The following FAM168A variants were observed in gnomAD, a reference collection of about 807,000 sequenced individuals.
FAM168A encodes family with sequence similarity 168 member A.
Under a neutral mutation model 28.5 loss-of-function variants are expected in FAM168A, and 3 were observed. The ratio of observed to expected loss-of-function variants is 0.11; its 90% CI spans 0.05 to 0.27. The LOEUF is 0.27. FAM168A is among the 10% of genes least tolerant of loss of function. FAM168A has a pLI of 1.00. For synonymous variants in FAM168A, 122 were observed against 124.2 expected, an observed-to-expected ratio of 0.98 and a Z score of 0.12; for missense variants, 222 against 311.5, an observed-to-expected ratio of 0.71 and a Z score of 2.16.
Position 73,407,540 on chromosome 11 carries a change from T to TG in FAM168A, c.698dup (p.His234ThrfsTer52). ...GGATGGGCTGCAGGCTTTACCAGTG[T>TG]GGGGGCACGTAGCTGTACGCAGGGG... On this transcript the variant is annotated frameshift_variant, in exon 7 of 8. Transcript: ENST00000356467. LOFTEE classifies it high-confidence loss of function. 6.3e-7 allele frequency: 1 copy of TG among 1,590,020 alleles called. No individual in the cohort carries two copies.
chr11:73,409,829 A>G lies in FAM168A; in HGVS notation c.421-168T>C, dbSNP rs182735953. Among the ~76,000 whole-genome samples, 633 of 152,320 alleles carry G rather than the reference A, an allele frequency of 4.2e-3. 7 individuals are homozygous for G. The highest frequency in any genetic ancestry group is 0.015 in the African/African-American group (609 of 41,556). ...CTGGGCTCAGCTTCTGGTCTGAAAAATAAGGCTCTAATCCTGTCCTGCCTT... is the reference window on the plus strand; with the variant it reads ...CTGGGCTCAGCTTCTGGTCTGAAAAGTAAGGCTCTAATCCTGTCCTGCCTT... On this transcript the variant is annotated intron_variant, in intron 5 of 7. Transcript: ENST00000356467.
intron 1 of FAM168A, chr11:73,580,319 A>G: frequency 3.5e-6 from 2 of 572,928 alleles, no homozygotes; most frequent in South Asian, 2.8e-5. Flanking sequence ...AACCACAGAG[A>G]AGATCCACAA....
intron 2 of FAM168A, among the ~76,000 whole-genome samples, chr11:73,462,879 A>G (rs1187297847): frequency 2.0e-5 from 3 of 151,506 alleles, no homozygotes; most frequent in Admixed American, 6.6e-5. Context: ...AGAGAAGAGA[A>G]GAGAGGAGAG....
intron 1 of FAM168A, among the ~76,000 whole-genome samples, chr11:73,587,454 T>A (rs1273937601): frequency 6.7e-6 from 1 of 149,908 alleles, no homozygotes; most frequent in Admixed American, 6.7e-5. Flanking sequence ...ATCGCACCAC[T>A]GCACTCCAGC....
intron 1 of FAM168A, among the ~76,000 whole-genome samples, chr11:73,512,429 A>C (rs1475115930): frequency 6.6e-6 from 1 of 152,190 alleles, no homozygotes; most frequent in Non-Finnish European, 1.5e-5. Context: ...AGTGGCTGCT[A>C]ATAGGTACAA....
intron 1 of FAM168A, among the ~76,000 whole-genome samples, chr11:73,591,658 C>T (rs1050396758): frequency 1.3e-5 from 2 of 152,092 alleles, no homozygotes; most frequent in Admixed American, 6.6e-5. Flanking sequence ...CAGAGGTGCA[C>T]GCCACCACAT....
At chr11:73,502,033 G>A (rs1045846483) in intron 1 of FAM168A, among the ~76,000 whole-genome samples, 2 of 151,426 alleles carry the variant, frequency 1.3e-5, no homozygotes, top group African/African-American at 2.4e-5. Context: ...CCCCGGAGGC[G>A]GAGCTTGCAG....
At chr11:73,556,775 C>T (rs1422253710) in intron 1 of FAM168A, among the ~76,000 whole-genome samples, 3 of 151,920 alleles carry the variant, frequency 2.0e-5, no homozygotes, top group Non-Finnish European at 4.4e-5. Context: ...AATCCCAGCA[C>T]TTTGGAAGGC....
At position 73,558,085 on chromosome 11, in the gene FAM168A, G is replaced by A. The variant is rs576698724; in HGVS notation, c.-19+39838C>T. ...GATAAATCTTCATGACCTTGGATTTGGCAATGGATTCTGAACTATGACAAC... is the reference window on the plus strand; with the variant it reads ...GATAAATCTTCATGACCTTGGATTTAGCAATGGATTCTGAACTATGACAAC... On this transcript the variant is annotated intron_variant, in intron 1 of 7. Transcript: ENST00000356467. 2.4e-4 allele frequency among the ~76,000 whole-genome samples: 36 copies of A among 152,194 alleles called. 1 individual carries two copies. In the South Asian group the frequency reaches 7.5e-3, roughly 32 times the overall value.
chr11:73,467,659 CA>C (rs1867755976), intron 2 of FAM168A, among the ~76,000 whole-genome samples: 2 of 152,106 alleles, frequency 1.3e-5, no homozygotes, highest in South Asian at 2.1e-4. Flanking sequence ...AATAGGAAAC[CA>C]AAGCCCCACA....
chr11:73,593,157 A>C (rs575259532), intron 1 of FAM168A, among the ~76,000 whole-genome samples: 1 of 152,328 alleles, frequency 6.6e-6, no homozygotes, highest in South Asian at 2.1e-4. Context: ...TGATTCACAT[A>C]AAATTTAGGA....
At chr11:73,504,536 C>T (rs531772221) in intron 1 of FAM168A, among the ~76,000 whole-genome samples, 3 of 152,130 alleles carry the variant, frequency 2.0e-5, no homozygotes, top group Admixed American at 6.5e-5. Context: ...GAAATAAGAA[C>T]GCTTTTACAC....
intron 3 of FAM168A, among the ~76,000 whole-genome samples, 188 bp from the exon 4 acceptor site, chr11:73,420,187 A>G (rs969072942): frequency 6.6e-6 from 1 of 152,180 alleles, no homozygotes; most frequent in African/African-American, 2.4e-5. Flanking sequence ...TATGTTTCCA[A>G]ATGATTTGAA....
At chr11:73,477,962 T>TAGATAGATAGAC (rs1555025458) in intron 1 of FAM168A, among the ~76,000 whole-genome samples, 1,563 of 145,526 alleles carry the variant, frequency 0.011, 32 homozygotes, top group African/African-American at 0.037. Context: ...GATAGATAGA[T>TAGATAGATAGAC]AGATAGATAA....
intron 1 of FAM168A, among the ~76,000 whole-genome samples, chr11:73,495,253 CAGG>C (rs1854848683): frequency 6.6e-6 from 1 of 152,048 alleles, no homozygotes; most frequent in Admixed American, 6.6e-5. Context: ...GGCGTGAACC[CAGG>C]AGGCAGAGCT....
intron 2 of FAM168A, among the ~76,000 whole-genome samples, chr11:73,455,421 C>T (rs1867513268): frequency 1.3e-5 from 2 of 152,218 alleles, no homozygotes; most frequent in South Asian, 4.1e-4. Flanking sequence ...TATCCTGATT[C>T]GCTCTGACAG....
At chr11:73,505,303 ACTG>A (rs1855087866) in intron 1 of FAM168A, among the ~76,000 whole-genome samples, 1 of 151,700 alleles carries the variant, frequency 6.6e-6, no homozygotes, top group South Asian at 2.1e-4. Context: ...TTCTGGCTCC[ACTG>A]CTAACCTTCT....
rs1484425276 is a variant in FAM168A at position 73,593,380 on chromosome 11, G to C, written c.-19+4543C>G. 2.6e-5 allele frequency among the ~76,000 whole-genome samples: 4 copies of C among 152,298 alleles called. No individual in the cohort carries two copies. In the South Asian group the frequency reaches 6.2e-4, roughly 24 times the overall value. Reference sequence around the variant, plus strand: ...AATTTAAAAAAAGGATATAAATGGGGATGACAAATTAGAATTTGGGGGCTG... The same window carrying C: ...AATTTAAAAAAAGGATATAAATGGGCATGACAAATTAGAATTTGGGGGCTG... On this transcript the variant is annotated intron_variant, in intron 1 of 7. Coordinates refer to ENST00000356467, the MANE Select transcript of FAM168A (RefSeq NM_015159.3).
At chr11:73,553,313 C>T (rs1170898347) in intron 1 of FAM168A, among the ~76,000 whole-genome samples, 1 of 151,980 alleles carries the variant, frequency 6.6e-6, no homozygotes, top group Non-Finnish European at 1.5e-5. Context: ...TCAAGAAGGG[C>T]CCTCAAAGTC....
Sources: gnomAD v4.1 joint callset for allele counts (sites outside exome capture counted in the v4.1 genomes callset) on GRCh38, gnomAD v4.1.1 for gene constraint, MANE v1.5 for transcripts, NCBI Gene and HGNC (gene_info 2026-07-23, HGNC 2026-07-21) for gene names.